Variants in PDE1A observed in about 807,000 individuals in gnomAD.
The protein encoded by PDE1A is phosphodiesterase 1A.
PDE1A carries 35 observed loss-of-function variants against 61.7 expected under a neutral mutation model. The ratio of observed to expected loss-of-function variants is 0.57; its 90% confidence interval spans 0.43 to 0.75. The LOEUF (loss-of-function observed/expected upper bound fraction) is 0.75, where lower values mean the gene tolerates loss of function less well. PDE1A is among the 30% of genes least tolerant of loss of function. PDE1A has a pLI of 0.00. For missense variants in PDE1A, 597 were observed against 630.6 expected, an observed-to-expected ratio of 0.95 and a Z score of 0.57; for synonymous variants, 232 against 213.2, an observed-to-expected ratio of 1.09 and a Z score of -0.77.
At chr2:182,646,282 T>C in the PDE1A span, among the ~76,000 whole-genome samples, 1 of 148,406 alleles carries the variant, frequency 6.7e-6, no homozygotes, top group Admixed American at 6.8e-5. Flanking sequence ...ACCCTGTCTT[T>C]ACTAAAAATA....
At chr2:182,671,787 T>C in the PDE1A span, among the ~76,000 whole-genome samples, 1 of 100,200 alleles carries the variant, frequency 1.0e-5, no homozygotes, top group Non-Finnish European at 2.3e-5. Flanking sequence ...GCCCGGCTAA[T>C]TTTTTGTATT....
chr2:182,467,686 G>C (rs1477885539), intron 2 of PDE1A, among the ~76,000 whole-genome samples: 1 of 151,746 alleles, frequency 6.6e-6, no homozygotes, highest in Admixed American at 6.6e-5. Context: ...TATGTAAAAA[G>C]GATTATATAT....
intron 2 of PDE1A, among the ~76,000 whole-genome samples, chr2:182,520,356 A>G (rs1447156801): frequency 6.6e-6 from 1 of 151,970 alleles, no homozygotes; most frequent in East Asian, 1.9e-4. Context: ...TCAATGAAAA[A>G]GCAGTCATTT....
the PDE1A span, among the ~76,000 whole-genome samples, chr2:182,551,566 A>G: frequency 6.6e-6 from 1 of 152,220 alleles, no homozygotes; most frequent in Non-Finnish European, 1.5e-5. Context: ...AATTAAAAGC[A>G]GCCACCACTT....
chr2:182,381,697 AG>A (rs1700747678), intron 1 of PDE1A, among the ~76,000 whole-genome samples: 1 of 152,000 alleles, frequency 6.6e-6, no homozygotes, highest in Non-Finnish European at 1.5e-5. Context: ...CTATAATCTC[AG>A]CTACTCAGGA....
intron 1 of PDE1A, among the ~76,000 whole-genome samples, chr2:182,302,105 T>C (rs1486530914): frequency 6.6e-6 from 1 of 152,142 alleles, no homozygotes; most frequent in Non-Finnish European, 1.5e-5. Flanking sequence ...ACAGTGGATA[T>C]TAATAGTGGT....
intron 2 of PDE1A, among the ~76,000 whole-genome samples, chr2:182,442,174 C>T (rs1684839228): frequency 6.6e-6 from 1 of 151,860 alleles, no homozygotes; most frequent in Non-Finnish European, 1.5e-5. Flanking sequence ...GCCTCCTGAC[C>T]CAATATCACA....
At chr2:182,232,974 A>C (rs1288929714) in intron 4 of PDE1A, among the ~76,000 whole-genome samples, 1 of 152,218 alleles carries the variant, frequency 6.6e-6, no homozygotes, top group Non-Finnish European at 1.5e-5. Flanking sequence ...TCAGAAAATA[A>C]GAATTATTTA....
the PDE1A span, among the ~76,000 whole-genome samples, chr2:182,698,229 T>G: frequency 6.6e-6 from 1 of 152,186 alleles, no homozygotes; most frequent in Non-Finnish European, 1.5e-5. Flanking sequence ...TTTAAAGAGC[T>G]GATTAGGATT....
At chr2:182,594,739 A>T in the PDE1A span, among the ~76,000 whole-genome samples, 2 of 152,180 alleles carry the variant, frequency 1.3e-5, no homozygotes, top group Non-Finnish European at 2.9e-5. Context: ...AGGATTTTTT[A>T]AAAGTTGTTT....
chr2:182,476,906 A>AC (rs1687401690), intron 2 of PDE1A, among the ~76,000 whole-genome samples: 1 of 146,830 alleles, frequency 6.8e-6, no homozygotes, highest in African/African-American at 2.4e-5. Flanking sequence ...AAAAAAAAAA[A>AC]AAACTCTGAG....
At chr2:182,632,326 C>T in the PDE1A span, among the ~76,000 whole-genome samples, 76,190 of 152,008 alleles carry the variant, frequency 0.5, 19,890 homozygotes, top group Admixed American at 0.64. Context: ...ATAAATAAAA[C>T]TGATGATGTT....
chr2:182,610,604 T>C, the PDE1A span, among the ~76,000 whole-genome samples: 2 of 152,192 alleles, frequency 1.3e-5, no homozygotes, highest in Non-Finnish European at 2.9e-5. Flanking sequence ...TTTAAAATAG[T>C]AAATTAAAAC....
intron 2 of PDE1A, among the ~76,000 whole-genome samples, chr2:182,439,132 TG>T (rs1486849804): frequency 6.6e-6 from 1 of 151,982 alleles, no homozygotes; most frequent in Admixed American, 6.6e-5. Context: ...GGGAGGATGG[TG>T]TAAGAAGACC....
At chr2:182,388,787 G>A in intron 1 of PDE1A, among the ~76,000 whole-genome samples, 1 of 151,808 alleles carries the variant, frequency 6.6e-6, no homozygotes, top group East Asian at 1.9e-4. Flanking sequence ...AAAGTATATG[G>A]AAGGAAGTAA....
chr2:182,371,815 T>C (rs1700140958), intron 1 of PDE1A, among the ~76,000 whole-genome samples: 1 of 152,188 alleles, frequency 6.6e-6, no homozygotes, highest in South Asian at 2.1e-4. Context: ...AGACAGGGTC[T>C]CACTCTGTCA....
upstream of PDE1A, among the ~76,000 whole-genome samples, chr2:182,524,090 T>C (rs1037192557): frequency 5.3e-5 from 8 of 152,180 alleles, no homozygotes; most frequent in African/African-American, 1.9e-4. Flanking sequence ...TATAAGCATT[T>C]ACCAGAGTTG....
chr2:182,188,285 C>A (rs577659491), intron 11 of PDE1A, among the ~76,000 whole-genome samples: 1 of 152,326 alleles, frequency 6.6e-6, no homozygotes, highest in South Asian at 2.1e-4. Context: ...GAGCAGGCAG[C>A]TTTCCCCAAC....
At chr2:182,234,295 T>C (rs1018235974) in intron 4 of PDE1A, 137 bp downstream of exon 4, 1 of 600,302 alleles carries the variant, frequency 1.7e-6, no homozygotes, top group African/African-American at 1.9e-5. Context: ...ATTTTTTAAA[T>C]TGTTAGGATA....
Sources: gnomAD v4.1 joint callset for allele counts (sites outside exome capture counted in the v4.1 genomes callset) on GRCh38, gnomAD v4.1.1 for gene constraint, MANE v1.5 for transcripts, NCBI Gene and HGNC (gene_info 2026-07-23, HGNC 2026-07-21) for gene names.